SLC30A8: variants seen among roughly 807,000 people sequenced by gnomAD.
The protein encoded by SLC30A8 is proton-coupled zinc antiporter SLC30A8.
Under a neutral mutation model 36.9 loss-of-function variants are expected in SLC30A8, and 27 were observed. The observed-to-expected ratio is 0.73, with a 90% CI of 0.54 to 1.01. SLC30A8 has a LOEUF of 1.01. SLC30A8 is among the 50% of genes least tolerant of loss of function. The pLI is 0.00. For synonymous variants in SLC30A8, 164 were observed against 172.4 expected (o/e 0.95, Z 0.38); for missense variants, 439 against 452.0 (o/e 0.97, Z 0.26).
chr8:117,130,781 A>G (rs1821101471), upstream of SLC30A8, among the ~76,000 whole-genome samples: 1 of 151,994 alleles, frequency 6.6e-6, no homozygotes, highest in African/African-American at 2.4e-5. Flanking sequence ...TATCTCACCT[A>G]GAGGGCGTTT....
intron 5 of SLC30A8, 131 bp downstream of exon 5, chr8:117,162,019 G>A: frequency 1.5e-6 from 1 of 672,082 alleles, no homozygotes; most frequent in Non-Finnish European, 2.3e-6. Context: ...CAAAGCTAAA[G>A]CAAGCAAACA....
At chr8:117,157,406 A>G (rs1371416184) in intron 3 of SLC30A8, among the ~76,000 whole-genome samples, 2 of 152,184 alleles carry the variant, frequency 1.3e-5, no homozygotes, top group Admixed American at 1.3e-4. Context: ...CAAGGAAAAC[A>G]GGGGGTAGGG....
chr8:117,088,616 AT>A (rs1818977920), intron 2 of SLC30A8, among the ~76,000 whole-genome samples: 1 of 152,228 alleles, frequency 6.6e-6, no homozygotes, highest in South Asian at 2.1e-4. Flanking sequence ...AACTTGGGGT[AT>A]TTAAGACAAA....
intron 1 of SLC30A8, among the ~76,000 whole-genome samples, chr8:116,973,372 A>C (rs1340545371): frequency 1.3e-5 from 2 of 152,162 alleles, no homozygotes; most frequent in Admixed American, 1.3e-4. Flanking sequence ...CTTTCTTAAA[A>C]ATAAGCTCCT....
intron 2 of SLC30A8, among the ~76,000 whole-genome samples, chr8:117,074,922 C>A (rs1818444379): frequency 6.6e-6 from 1 of 152,120 alleles, no homozygotes; most frequent in Non-Finnish European, 1.5e-5. Flanking sequence ...GTGGGAGAAA[C>A]AAACGGTACA....
At position 117,157,727 on chromosome 8, in the gene SLC30A8, G is replaced by A. The variant is rs1822569982; in HGVS notation, c.455G>A (p.Trp152Ter). The A allele has an allele frequency of 6.2e-7, 1 of 1,613,964 alleles. No homozygotes were observed. Among genetic ancestry groups the A allele is most frequent in the African/African-American group, 1.3e-5 (1 of 74,898 alleles). Residue 152 changes from tryptophan to a stop codon, truncating the protein, a stop_gained, in exon 4 of 8, where the codon TGG (tryptophan) becomes TAG (stop). Transcript: ENST00000456015. LOFTEE classifies it high-confidence loss of function. Reference sequence around the variant, plus strand: ...GCCCTGCTCTCCATCCTGTGCATCTGGGTGGTGACTGGCGTGCTAGTGTAC... The same window carrying A: ...GCCCTGCTCTCCATCCTGTGCATCTAGGTGGTGACTGGCGTGCTAGTGTAC... ...LGALLSILCIWVVTGVLVYLA... is the reference protein window; with the variant it reads ...LGALLSILCI
chr8:117,162,737 G>T (rs1282832610), intron 5 of SLC30A8, among the ~76,000 whole-genome samples: 1 of 152,164 alleles, frequency 6.6e-6, no homozygotes, highest in African/African-American at 2.4e-5. Context: ...GGCAAAACTA[G>T]TTTGAGGGTC....
chr8:117,049,395 C>T, intron 2 of SLC30A8, among the ~76,000 whole-genome samples: 1 of 152,194 alleles, frequency 6.6e-6, no homozygotes. Flanking sequence ...ATAGCACGTT[C>T]TATTGCCTCT....
chr8:116,979,053 A>G (rs1171034721), intron 1 of SLC30A8, among the ~76,000 whole-genome samples: 1 of 151,730 alleles, frequency 6.6e-6, no homozygotes. Context: ...CCTGGGCAAC[A>G]TGATGAAACC....
chr8:116,980,193 A>G (rs1343568019), intron 1 of SLC30A8, among the ~76,000 whole-genome samples: 2 of 152,194 alleles, frequency 1.3e-5, no homozygotes, highest in African/African-American at 2.4e-5. Flanking sequence ...CTGCCATGTG[A>G]TTGATGCATC....
intron 2 of SLC30A8, among the ~76,000 whole-genome samples, chr8:117,109,588 C>T (rs1178991792): frequency 6.8e-6 from 1 of 147,342 alleles, no homozygotes; most frequent in Non-Finnish European, 1.5e-5. Flanking sequence ...TTCCTAAGAG[C>T]CCCGTGTATA....
chr8:117,161,640 A>G (rs1586607799), intron 4 of SLC30A8, 98 bp from the exon 5 acceptor site: 1 of 1,155,536 alleles, frequency 8.7e-7, no homozygotes, highest in Non-Finnish European at 1.2e-6. Flanking sequence ...ACTATCCATC[A>G]TTTTGGATAA....
chr8:117,130,532 T>TATTA (rs1459465524), upstream of SLC30A8, among the ~76,000 whole-genome samples: 1 of 152,002 alleles, frequency 6.6e-6, no homozygotes, highest in Non-Finnish European at 1.5e-5. Context: ...TTATTATTAT[T>TATTA]ATTATTAAAT....
intron 1 of SLC30A8, among the ~76,000 whole-genome samples, chr8:116,994,169 G>A (rs1346649579): frequency 1.3e-5 from 2 of 152,068 alleles, no homozygotes; most frequent in Non-Finnish European, 2.9e-5. Flanking sequence ...GAATATGAAT[G>A]GAGAGAATTT....
Position 117,169,202 on chromosome 8 carries a change from A to G in SLC30A8, c.830-1832A>G, listed in dbSNP as rs113589401. 3.1e-3 allele frequency among the ~76,000 whole-genome samples: 468 copies of G among 152,246 alleles called. 1 individual carries two copies. The highest frequency in any genetic ancestry group is 0.011 in the African/African-American group (447 of 41,556). The stretch of plus-strand genomic sequence containing the variant: ...CCAGCTCTTTGTTACTTCCCCAAAC[A>G]ATATGAGGTAGGATCAAAAACTCAG... On this transcript the variant is annotated intron_variant, in intron 6 of 7. Transcript: ENST00000456015.
chr8:117,120,706 A>G (rs967362474), intron 2 of SLC30A8, among the ~76,000 whole-genome samples: 1 of 151,870 alleles, frequency 6.6e-6, no homozygotes, highest in Non-Finnish European at 1.5e-5. Flanking sequence ...CAAACCATAT[A>G]TCTGATATGG....
At chr8:117,082,989 T>C (rs1818725766) in intron 2 of SLC30A8, among the ~76,000 whole-genome samples, 1 of 152,184 alleles carries the variant, frequency 6.6e-6, no homozygotes, top group Non-Finnish European at 1.5e-5. Flanking sequence ...ACCTGTATTA[T>C]GACCGTGACT....
intron 2 of SLC30A8, among the ~76,000 whole-genome samples, chr8:117,071,033 T>C (rs1350728329): frequency 6.6e-6 from 1 of 152,202 alleles, no homozygotes; most frequent in South Asian, 2.1e-4. Context: ...CTTCCACATA[T>C]TGATGTCAGT....
chr8:117,034,075 C>A (rs951313622), intron 1 of SLC30A8, among the ~76,000 whole-genome samples: 45 of 152,266 alleles, frequency 3.0e-4, no homozygotes, highest in African/African-American at 1.1e-3. Flanking sequence ...AACAGTGTTT[C>A]CTCCTAGAAA....
Sources: gnomAD v4.1 joint callset for allele counts (sites outside exome capture counted in the v4.1 genomes callset) on GRCh38, gnomAD v4.1.1 for gene constraint, MANE v1.5 for transcripts, NCBI Gene and HGNC (gene_info 2026-07-23, HGNC 2026-07-21) for gene names.